The following HEMK2 variants were observed in gnomAD, a reference collection of about 807,000 sequenced individuals.
HEMK2 encodes methyltransferase HEMK2.
chr21:28,832,821 A>G, the HEMK2 span, among the ~76,000 whole-genome samples: 35,681 of 152,196 alleles, frequency 0.23, 5,898 homozygotes, highest in African/African-American at 0.46. Context: ...AACAGCAATG[A>G]TGAACTGAGT....
At chr21:28,761,913 G>C in the HEMK2 span, among the ~76,000 whole-genome samples, 13 of 152,072 alleles carry the variant, frequency 8.5e-5, no homozygotes, top group Admixed American at 2.6e-4. Context: ...CCAAACCACA[G>C]AGAATTCAAC....
the HEMK2 span, among the ~76,000 whole-genome samples, chr21:28,791,987 G>A: frequency 1.3e-5 from 2 of 152,032 alleles, no homozygotes; most frequent in African/African-American, 4.8e-5. Context: ...TGGCCAAGAT[G>A]GCAACGAAAG....
At chr21:28,583,079 CTA>C in the HEMK2 span, among the ~76,000 whole-genome samples, 1 of 152,098 alleles carries the variant, frequency 6.6e-6, no homozygotes, top group African/African-American at 2.4e-5. Flanking sequence ...GAGTCAAAAG[CTA>C]TTTCTGAAGA....
the HEMK2 span, among the ~76,000 whole-genome samples, chr21:28,645,883 A>G: frequency 6.6e-6 from 1 of 152,194 alleles, no homozygotes; most frequent in African/African-American, 2.4e-5. Flanking sequence ...ACTGTGAGCA[A>G]TAAGTTTCTG....
the HEMK2 span, among the ~76,000 whole-genome samples, chr21:28,714,662 T>C: frequency 6.6e-6 from 1 of 152,296 alleles, no homozygotes; most frequent in Non-Finnish European, 1.5e-5. Context: ...TTTAAACCTT[T>C]GTTTTTGATT....
the HEMK2 span, among the ~76,000 whole-genome samples, chr21:28,689,203 GA>G: frequency 6.6e-6 from 1 of 152,128 alleles, no homozygotes; most frequent in Non-Finnish European, 1.5e-5. Context: ...TGTACATTAT[GA>G]ACCTGAGCAT....
At chr21:28,793,292 T>A in the HEMK2 span, among the ~76,000 whole-genome samples, 1 of 152,242 alleles carries the variant, frequency 6.6e-6, no homozygotes, top group Non-Finnish European at 1.5e-5. Flanking sequence ...TCAACTTTTA[T>A]TAATGACAAA....
chr21:28,826,102 A>G, the HEMK2 span, among the ~76,000 whole-genome samples: 1 of 152,256 alleles, frequency 6.6e-6, no homozygotes, highest in Non-Finnish European at 1.5e-5. Flanking sequence ...ATGACTCCTC[A>G]GGCCTGCAGC....
the HEMK2 span, among the ~76,000 whole-genome samples, chr21:28,810,045 T>A: frequency 3.7e-4 from 57 of 152,316 alleles, no homozygotes; most frequent in African/African-American, 1.3e-3. Context: ...GCCTGGAGCC[T>A]CCATGGCCAT....
the HEMK2 span, among the ~76,000 whole-genome samples, chr21:28,792,688 G>C: frequency 3.3e-5 from 5 of 152,182 alleles, no homozygotes; most frequent in African/African-American, 1.2e-4. Context: ...TGCCCCTAGA[G>C]TGACATGGCA....
chr21:28,846,835 T>C, the HEMK2 span, among the ~76,000 whole-genome samples: 19 of 152,208 alleles, frequency 1.2e-4, no homozygotes, highest in African/African-American at 4.1e-4. Flanking sequence ...TCCATCTTTG[T>C]GTCCATGTGT....
At chr21:28,689,355 C>T in the HEMK2 span, among the ~76,000 whole-genome samples, 1 of 152,048 alleles carries the variant, frequency 6.6e-6, no homozygotes, top group African/African-American at 2.4e-5. Flanking sequence ...CTTTTTTATA[C>T]CTACATTTTC....
At chr21:28,648,321 G>T in the HEMK2 span, among the ~76,000 whole-genome samples, 3 of 152,156 alleles carry the variant, frequency 2.0e-5, no homozygotes, top group African/African-American at 7.2e-5. Context: ...ACCAGAGGTG[G>T]TTCTTTGGCA....
At chr21:28,640,403 G>A in the HEMK2 span, among the ~76,000 whole-genome samples, 5 of 152,144 alleles carry the variant, frequency 3.3e-5, no homozygotes, top group African/African-American at 4.8e-5. Context: ...GGATGGACAC[G>A]AATATTTCTA....
the HEMK2 span, among the ~76,000 whole-genome samples, chr21:28,802,251 T>C: frequency 6.6e-6 from 1 of 152,136 alleles, no homozygotes. Flanking sequence ...CAAGAAATAC[T>C]AAGTGAAAAA....
the HEMK2 span, among the ~76,000 whole-genome samples, chr21:28,787,988 G>C: frequency 6.6e-6 from 1 of 151,926 alleles, no homozygotes; most frequent in Non-Finnish European, 1.5e-5. Flanking sequence ...AGTGGATAAA[G>C]AAACTATGGT....
chr21:28,650,425 T>C, the HEMK2 span, among the ~76,000 whole-genome samples: 59 of 151,910 alleles, frequency 3.9e-4, no homozygotes, highest in Admixed American at 2.6e-4. Flanking sequence ...CCGTTTAATA[T>C]TGGAGGCAGA....
the HEMK2 span, among the ~76,000 whole-genome samples, chr21:28,864,712 T>C: frequency 6.6e-6 from 1 of 152,116 alleles, no homozygotes; most frequent in African/African-American, 2.4e-5. Flanking sequence ...CAAAGCTTGC[T>C]CCTTCTGGTT....
chr21:28,588,783 A>G, the HEMK2 span, among the ~76,000 whole-genome samples: 5 of 152,064 alleles, frequency 3.3e-5, no homozygotes, highest in Non-Finnish European at 5.9e-5. Context: ...GGAGATCGAG[A>G]CCATCCTGGC....
Sources: gnomAD v4.1 joint callset for allele counts (sites outside exome capture counted in the v4.1 genomes callset) on GRCh38, gnomAD v4.1.1 for gene constraint, MANE v1.5 for transcripts, NCBI Gene and HGNC (gene_info 2026-07-23, HGNC 2026-07-21) for gene names.